DNAJB6: variants seen among roughly 807,000 people sequenced by gnomAD.
DNAJB6 encodes DnaJ heat shock protein family (Hsp40) member B6, also known as dnaJ homolog subfamily B member 6.
Under a neutral mutation model 42.7 loss-of-function variants are expected in DNAJB6, and 16 were observed. The observed-to-expected ratio is 0.37, with a 90% CI of 0.25 to 0.57. DNAJB6 has a LOEUF of 0.57. Ranked by LOEUF, DNAJB6 falls within the 20% of genes least tolerant of loss-of-function variation. DNAJB6 has a pLI of 0.74. For synonymous variants in DNAJB6, 170 were observed against 163.5 expected, an observed-to-expected ratio of 1.04 and a Z score of -0.30; for missense variants, 347 against 416.8, an observed-to-expected ratio of 0.83 and a Z score of 1.46.
intron 2 of DNAJB6, among the ~76,000 whole-genome samples, chr7:157,360,002 A>G (rs1799497017): frequency 6.6e-6 from 1 of 152,236 alleles, no homozygotes; most frequent in Admixed American, 6.5e-5. Flanking sequence ...CACTATTCTT[A>G]TCAGTAATGT....
At chr7:157,340,998 G>GTGTGTGTGCGCGCGCGCT (rs67210462) in intron 1 of DNAJB6, among the ~76,000 whole-genome samples, 7 of 134,960 alleles carry the variant, frequency 5.2e-5, no homozygotes, top group East Asian at 2.1e-4. Context: ...GTGTGTGTGT[G>GTGTGTGTGCGCGCGCGCT]CGCGCGCGCA....
At chr7:157,358,476 A>G in intron 1 of DNAJB6, 71 bp from the exon 2 acceptor site, 1 of 999,072 alleles carries the variant, frequency 1.0e-6, no homozygotes, top group Non-Finnish European at 1.6e-6. Context: ...CTCCCTCTCC[A>G]GACCCATCCC....
chr7:157,373,970 C>T (rs752907774), intron 5 of DNAJB6, among the ~76,000 whole-genome samples: 4 of 152,032 alleles, frequency 2.6e-5, no homozygotes, highest in Non-Finnish European at 5.9e-5. Context: ...TCCTTGAGCC[C>T]AGGAGTTCGA....
At chr7:157,377,057 C>T (rs569853623) in intron 5 of DNAJB6, among the ~76,000 whole-genome samples, 76 of 152,236 alleles carry the variant, frequency 5.0e-4, no homozygotes, top group Non-Finnish European at 8.2e-4. Context: ...GATAAAAGAT[C>T]GTGGAGATGA....
intron 6 of DNAJB6, among the ~76,000 whole-genome samples, chr7:157,383,093 G>A (rs771526886): frequency 3.3e-5 from 5 of 152,048 alleles, no homozygotes; most frequent in Non-Finnish European, 5.9e-5. Flanking sequence ...GCAGCCTCCC[G>A]CCTCCTGGGT....
intron 8 of DNAJB6, among the ~76,000 whole-genome samples, chr7:157,401,961 A>G (rs1795537158): frequency 6.6e-6 from 1 of 152,122 alleles, no homozygotes; most frequent in South Asian, 2.1e-4. Context: ...CCTGGAGCCC[A>G]CAGGCTGCTT....
At chr7:157,398,233 C>T (rs912554708) in intron 8 of DNAJB6, among the ~76,000 whole-genome samples, 5 of 152,216 alleles carry the variant, frequency 3.3e-5, no homozygotes, top group African/African-American at 1.2e-4. Flanking sequence ...GCTGGGTGTC[C>T]CCAGTGCCTG....
intron 7 of DNAJB6, 21 bp from the exon 8 acceptor site, chr7:157,385,520 A>G: frequency 6.2e-7 from 1 of 1,609,104 alleles, no homozygotes; most frequent in Non-Finnish European, 8.5e-7. Flanking sequence ...AAAGGTTTTT[A>G]AATGAATTTT....
rs752582580 is a variant in DNAJB6, at chr7:157,358,577, T to C, written c.5T>C (p.Val2Ala). 2 of 1,613,590 alleles carry C rather than the reference T, an allele frequency of 1.2e-6. No individual in the cohort carries two copies. The highest frequency in any genetic ancestry group is 1.7e-6 in the Non-Finnish European group (2 of 1,179,600). M[V>A]DYYEVLGVQR... ...ATTCCAACAATCTCGTAAAACATGG[T>C]GGATTACTATGAAGTTCTAGGCGTG... The change falls in exon 2 of 10, where the codon GTG becomes GCG. Residue 2 changes from valine to alanine, a missense_variant. Transcript: ENST00000262177.
intron 1 of DNAJB6, among the ~76,000 whole-genome samples, chr7:157,346,174 TAGGGAGATGAAGGCC>T (rs1317015421): frequency 6.6e-6 from 1 of 151,956 alleles, no homozygotes; most frequent in East Asian, 1.9e-4. Flanking sequence ...GGGCCAACCT[TAGGGAGATGAAGGCC>T]AGTTAAAATG....
intron 1 of DNAJB6, among the ~76,000 whole-genome samples, chr7:157,355,412 G>A (rs912922927): frequency 2.0e-5 from 3 of 152,128 alleles, no homozygotes; most frequent in African/African-American, 2.4e-5. Flanking sequence ...TGCCCGCCTC[G>A]GCCTCCCAAA....
At position 157,358,779 on chromosome 7, in the gene DNAJB6, A is replaced by G. The variant is rs1279852380; in HGVS notation, c.65+142A>G. ...AATGCCACATAGTTTAATTTGACAG[A>G]GCAGTTAACGAGCATTTGCAGTCTA... is the stretch of plus-strand genomic sequence containing the variant. On this transcript the variant is annotated intron_variant, in intron 2 of 9. Transcript: ENST00000262177. 7.4e-6 allele frequency: 5 copies of G among 678,172 alleles called. No individual in the cohort carries two copies. In the East Asian group the frequency reaches 1.4e-4, roughly 19 times the overall value. 42.0% of individuals were successfully genotyped at this position (678,172 alleles called of 1,614,324 possible). A position where few individuals can be genotyped will look rare whatever the true frequency, so the allele number is the denominator to read the frequency against.
intron 8 of DNAJB6, among the ~76,000 whole-genome samples, chr7:157,387,648 A>G (rs776236577): frequency 1.4e-4 from 22 of 152,198 alleles, no homozygotes; most frequent in Non-Finnish European, 2.9e-4. Context: ...CGTTGGTACT[A>G]CACAATTTTA....
At chr7:157,372,603 A>G (rs933688742) in intron 5 of DNAJB6, among the ~76,000 whole-genome samples, 1 of 152,208 alleles carries the variant, frequency 6.6e-6, no homozygotes. Context: ...CCTTGGAGAT[A>G]GAACTGAAGA....
chr7:157,404,642 CT>C (rs1353292864), intron 8 of DNAJB6, among the ~76,000 whole-genome samples: 2 of 151,772 alleles, frequency 1.3e-5, no homozygotes, highest in African/African-American at 4.9e-5. Context: ...TCCCGAGTAA[CT>C]GGGACTACAG....
At chr7:157,410,315 G>A (rs1331526847) in intron 9 of DNAJB6, 11 of 523,616 alleles carry the variant, frequency 2.1e-5, no homozygotes, top group East Asian at 3.5e-5. Flanking sequence ...GTGCCTTTTC[G>A]TAGCTTTCAG....
intron 1 of DNAJB6, among the ~76,000 whole-genome samples, chr7:157,345,396 C>T (rs1252473756): frequency 1.3e-5 from 2 of 152,116 alleles, no homozygotes; most frequent in Non-Finnish European, 2.9e-5. Context: ...CTCACAGCAT[C>T]CTTGATCTCT....
chr7:157,369,968 T>TTCTTAACATTATTATTAAACAGGCCCC (rs1800088129), intron 5 of DNAJB6, among the ~76,000 whole-genome samples: 1 of 127,456 alleles, frequency 7.8e-6, no homozygotes, highest in African/African-American at 3.2e-5. Context: ...AAACGGGCCC[T>TTCTTAACATTATTATTAAACAGGCCCC]TTCTTAACAT....
chr7:157,381,936 G>T, intron 5 of DNAJB6: 1 of 182,246 alleles, frequency 5.5e-6, no homozygotes, highest in Non-Finnish European at 1.1e-5. Context: ...CATCAGTGAC[G>T]TGAAAAGAGC....
Sources: gnomAD v4.1 joint callset for allele counts (sites outside exome capture counted in the v4.1 genomes callset) on GRCh38, gnomAD v4.1.1 for gene constraint, MANE v1.5 for transcripts, NCBI Gene and HGNC (gene_info 2026-07-23, HGNC 2026-07-21) for gene names.